The following CPED1 variants were observed in gnomAD, a reference collection of about 807,000 sequenced individuals.
The protein encoded by CPED1 is cadherin like and PC-esterase domain containing 1, also known as cadherin-like and PC-esterase domain-containing protein 1.
A neutral mutation model predicts 128.2 loss-of-function variants in CPED1; 114 were observed. That is an observed-to-expected ratio of 0.89 (90% CI 0.76 to 1.04). CPED1 has a LOEUF of 1.04. Among genes scored for constraint, CPED1 ranks in the 50% least tolerant of loss-of-function variants. CPED1 has a pLI of 0.00. For synonymous variants in CPED1, 462 were observed against 426.7 expected, an observed-to-expected ratio of 1.08 and a Z score of -1.02; for missense variants, 1,211 against 1,207.1, an observed-to-expected ratio of 1.00 and a Z score of -0.05.
chr7:121,111,053 G>C lies in CPED1; in HGVS notation c.918+10959G>C, dbSNP rs139001119. ...GGTGCCATTGACTGAGAGATCAGATGGGGGAGCAACCAGTCAGGAGGAGGA... is the reference window on the plus strand; with the variant it reads ...GGTGCCATTGACTGAGAGATCAGATCGGGGAGCAACCAGTCAGGAGGAGGA... On this transcript the variant is annotated intron_variant, in intron 7 of 22. Transcript: ENST00000310396. Among the ~76,000 whole-genome samples, 29 of 152,238 alleles carry C rather than the reference G, an allele frequency of 1.9e-4. 1 individual carries two copies. The highest frequency in any genetic ancestry group is 6.7e-4 in the African/African-American group (28 of 41,552).
intron 22 of CPED1, among the ~76,000 whole-genome samples, chr7:121,282,365 C>A (rs951731470): frequency 2.6e-5 from 4 of 151,968 alleles, no homozygotes; most frequent in East Asian, 3.9e-4. Flanking sequence ...TCCAGTCGAC[C>A]CTTTAGTTGG....
At chr7:121,119,807 G>T (rs1438347736) in intron 7 of CPED1, among the ~76,000 whole-genome samples, 1 of 151,908 alleles carries the variant, frequency 6.6e-6, no homozygotes, top group Non-Finnish European at 1.5e-5. Flanking sequence ...TATATACCCA[G>T]TAAACATGTC....
intron 5 of CPED1, among the ~76,000 whole-genome samples, chr7:121,069,682 G>GA (rs985572663): frequency 4.0e-5 from 6 of 151,460 alleles, no homozygotes; most frequent in African/African-American, 7.3e-5. Flanking sequence ...TTTGCCTTTT[G>GA]AAAAAAAAGT....
intron 20 of CPED1, 86 bp downstream of exon 20, chr7:121,266,894 T>G: frequency 1.1e-6 from 1 of 928,574 alleles, no homozygotes. Context: ...CAGATTTTAT[T>G]TAAAGAACAA....
intron 5 of CPED1, among the ~76,000 whole-genome samples, chr7:121,080,580 G>A (rs1023166829): frequency 2.0e-5 from 3 of 152,140 alleles, no homozygotes; most frequent in African/African-American, 7.2e-5. Context: ...CCAGGAGTTC[G>A]CTGCTGAGGT....
rs978502722 is a variant in CPED1, at chr7:120,999,325, C to A, written c.249+9455C>A. The stretch of plus-strand genomic sequence containing the variant: ...TAATTATCTTTGATTAATTAACTAT[C>A]ATTGATTTCTCGTTATCATCAGCTC... On this transcript the variant is annotated intron_variant, in intron 2 of 22. Transcript: ENST00000310396. Among the ~76,000 whole-genome samples the A allele has an allele frequency of 3.9e-5, 6 of 152,262 alleles. No individual in the cohort carries two copies. The East Asian group carries it at 1.2e-3, about 29-fold the overall frequency.
intron 4 of CPED1, chr7:121,051,098 T>C: frequency 1.9e-6 from 1 of 524,994 alleles, no homozygotes; most frequent in South Asian, 1.5e-5. Context: ...CAGGCCAAAG[T>C]GGCAAACCAA....
In CPED1 at chr7:121,295,704, A is replaced by G. The variant is rs1792809907; in HGVS notation, c.*52A>G. ...AGCTGGAGACGAGCTAGTCACCCGG[A>G]CAATGGTCTAGGAGCCAAGCGCTGC... On this transcript the variant is annotated 3_prime_UTR_variant, in exon 23 of 23. Transcript: ENST00000310396. The G allele has an allele frequency of 1.3e-6, 2 of 1,521,970 alleles. No individual in the cohort carries two copies. Among genetic ancestry groups the G allele is most frequent in the Non-Finnish European group, 1.8e-6 (2 of 1,099,144 alleles). 94.3% of individuals were successfully genotyped at this position (1,521,970 alleles called of 1,614,324 possible). A position where few individuals can be genotyped will look rare whatever the true frequency, so the allele number is the denominator to read the frequency against.
intron 16 of CPED1, among the ~76,000 whole-genome samples, chr7:121,154,936 G>T (rs1796251499): frequency 6.6e-6 from 1 of 152,130 alleles, no homozygotes; most frequent in East Asian, 1.9e-4. Flanking sequence ...TTATTGATTT[G>T]TGTTCACAGA....
intron 16 of CPED1, among the ~76,000 whole-genome samples, chr7:121,171,004 C>T (rs1248005501): frequency 1.3e-5 from 2 of 151,690 alleles, no homozygotes; most frequent in East Asian, 1.9e-4. Context: ...GAGCCAAGAT[C>T]GAGCCACTGC....
At chr7:121,134,740 A>G (rs915311069) in intron 13 of CPED1, among the ~76,000 whole-genome samples, 13 of 152,202 alleles carry the variant, frequency 8.5e-5, no homozygotes, top group Non-Finnish European at 1.8e-4. Context: ...TTTAAAAAAG[A>G]TAGTAAAGTT....
At chr7:121,045,818 A>G (rs1322974225) in intron 3 of CPED1, among the ~76,000 whole-genome samples, 1 of 151,788 alleles carries the variant, frequency 6.6e-6, no homozygotes, top group East Asian at 1.9e-4. Context: ...CATTACCCAG[A>G]GGGGTTTTTT....
chr7:121,214,528 A>C (rs1797716799), intron 16 of CPED1, among the ~76,000 whole-genome samples: 1 of 151,990 alleles, frequency 6.6e-6, no homozygotes, highest in Admixed American at 6.6e-5. Context: ...TCCTGACCTC[A>C]AGTGATCCAC....
rs151269277 is a variant in CPED1, at chr7:121,149,456, G to A, written c.2055+7315G>A. 19 of 152,274 alleles carry A rather than the reference G, an allele frequency of 1.2e-4. No homozygotes were observed. The East Asian group carries it at 2.9e-3, about 23-fold the overall frequency. The allele number at this position is 152,274 out of a possible 1,614,324, so 9.4% of individuals were successfully genotyped here. On this transcript the variant is annotated intron_variant, in intron 16 of 22. Coordinates refer to ENST00000310396, the MANE Select transcript of CPED1 (RefSeq NM_024913.5). Reference sequence around the variant, plus strand: ...CACCTCATGAGGTCATGCCACTTACGATCAGATAGATTACCATTTACATAA... The same window carrying A: ...CACCTCATGAGGTCATGCCACTTACAATCAGATAGATTACCATTTACATAA...
chr7:121,289,432 C>A (rs1183329124), intron 22 of CPED1, among the ~76,000 whole-genome samples: 1 of 152,060 alleles, frequency 6.6e-6, no homozygotes, highest in Non-Finnish European at 1.5e-5. Context: ...ATTCCTCTAC[C>A]AAAAGGTCAC....
intron 2 of CPED1, among the ~76,000 whole-genome samples, chr7:121,007,933 C>T (rs1348335689): frequency 6.6e-6 from 1 of 151,918 alleles, no homozygotes; most frequent in African/African-American, 2.4e-5. Flanking sequence ...TCAGGCATCC[C>T]TCTTATGGTT....
chr7:121,088,763 C>CAAAAA lies in CPED1; in HGVS notation c.617-8911_617-8907dup, dbSNP rs71170226. ...AAGTTAAAATCTAGGCAAAAATTGGCAAAAAAAAAAAAAAAAAAAAAAAAA... is the reference window on the plus strand; with the variant it reads ...AAGTTAAAATCTAGGCAAAAATTGGCAAAAAAAAAAAAAAAAAAAAAAAAAAAAAA... On this transcript the variant is annotated intron_variant, in intron 5 of 22. Transcript: ENST00000310396. Among the ~76,000 whole-genome samples, 160 of 53,782 alleles carry CAAAAA rather than the reference C, an allele frequency of 3.0e-3. 4 individuals are homozygous for CAAAAA. Among genetic ancestry groups the CAAAAA allele is most frequent in the East Asian group, 0.011 (10 of 946 alleles). 35.3% of individuals were successfully genotyped at this position (53,782 alleles called of 152,430 possible). A position where few individuals can be genotyped will look rare whatever the true frequency, so the allele number is the denominator to read the frequency against.
At chr7:121,061,223 C>G (rs974032214) in intron 4 of CPED1, 2 of 958,542 alleles carry the variant, frequency 2.1e-6, no homozygotes, top group African/African-American at 3.5e-5. Flanking sequence ...GGATAGAAAT[C>G]TCTTCTAATG....
intron 16 of CPED1, among the ~76,000 whole-genome samples, chr7:121,165,188 CAGATA>C (rs1796496692): frequency 6.6e-6 from 1 of 152,096 alleles, no homozygotes; most frequent in Admixed American, 6.5e-5. Context: ...TATCAAGCAT[CAGATA>C]AAAGATGTGC....
Sources: allele counts gnomAD v4.1 joint callset (sites outside exome capture counted in the v4.1 genomes callset), GRCh38; gene constraint gnomAD v4.1.1; transcripts MANE v1.5; gene names NCBI Gene and HGNC (gene_info 2026-07-23, HGNC 2026-07-21).